The following PWWP3B variants were observed in gnomAD, a reference collection of about 807,000 sequenced individuals.
PWWP3B encodes PWWP domain-containing DNA repair factor 3B.
PWWP3B carries 5 observed loss-of-function variants against 15.7 expected under a neutral mutation model. The observed-to-expected ratio is 0.32, with a 90% confidence interval of 0.17 to 0.67. The LOEUF (loss-of-function observed/expected upper bound fraction) is 0.67, where lower values mean the gene tolerates loss of function less well. PWWP3B is among the 30% of genes least tolerant of loss of function. PWWP3B has a pLI of 0.74. For missense variants in PWWP3B, 519 were observed against 493.1 expected (o/e 1.05, Z -0.50); for synonymous variants, 203 against 179.8 (o/e 1.13, Z -1.03).
At chrX:106,177,350 A>C (rs1227701843) in intron 2 of PWWP3B, 3 of 112,536 alleles carry the variant, frequency 2.7e-5, no homozygotes, top group African/African-American at 9.7e-5. Flanking sequence ...AGCTGACAAG[A>C]AGCTTCAAGG....
At chrX:106,182,467 C>T (rs1372922366) in intron 2 of PWWP3B, among the ~76,000 whole-genome samples, 1 of 111,256 alleles carries the variant, frequency 9.0e-6, no homozygotes, top group Non-Finnish European at 1.9e-5. Flanking sequence ...GGTTGATGTT[C>T]CACATAAGAA....
intron 2 of PWWP3B, among the ~76,000 whole-genome samples, chrX:106,191,285 G>C (rs1365281838): frequency 8.2e-5 from 9 of 110,346 alleles, no homozygotes; most frequent in Non-Finnish European, 1.3e-4. Context: ...GGATTCCTAG[G>C]TATTTTATTC....
At chrX:106,186,804 A>G (rs1304140505) in intron 2 of PWWP3B, among the ~76,000 whole-genome samples, 1 of 111,280 alleles carries the variant, frequency 9.0e-6, no homozygotes, top group African/African-American at 3.3e-5. Context: ...ATTTGTCCCC[A>G]TCCACATCCT....
chrX:106,182,626 G>A (rs1922274524), intron 2 of PWWP3B, among the ~76,000 whole-genome samples: 1 of 110,268 alleles, frequency 9.1e-6, no homozygotes, highest in South Asian at 4.0e-4. Context: ...AAACTGAGTG[G>A]CTCCCTGTGT....
chrX:106,193,607 G>T (rs1298227910), intron 2 of PWWP3B, among the ~76,000 whole-genome samples: 1 of 111,635 alleles, frequency 9.0e-6, no homozygotes, highest in Non-Finnish European at 1.9e-5. Context: ...TATTTTGCTC[G>T]TTAGTTGATG....
chrX:106,199,540 C>T (rs1469013115), intron 2 of PWWP3B, among the ~76,000 whole-genome samples: 1 of 110,994 alleles, frequency 9.0e-6, no homozygotes, highest in African/African-American at 3.3e-5. Flanking sequence ...CATCCTTTTC[C>T]GAAGTCACTT....
chrX:106,170,391 T>A (rs1921552369), intron 1 of PWWP3B, among the ~76,000 whole-genome samples: 1 of 111,804 alleles, frequency 8.9e-6, no homozygotes, highest in Admixed American at 9.5e-5. Flanking sequence ...ATGAGAGATA[T>A]TATGATGAAA....
In PWWP3B at chrX:106,206,250, C is replaced by T. The variant is rs1359099435; in HGVS notation, c.818C>T (p.Ser273Phe). Reference protein sequence around the residue: ...LETLAVPSECSAFSENIEDPG... With the variant: ...LETLAVPSECFAFSENIEDPG... Reference sequence around the variant, plus strand: ...ACCCTGGCTGTTCCCTCTGAATGCTCTGCTTTCTCAGAGAATATTGAGGAT... The same window carrying T: ...ACCCTGGCTGTTCCCTCTGAATGCTTTGCTTTCTCAGAGAATATTGAGGAT... Residue 273 changes from serine (S) to phenylalanine (F), a missense_variant, in exon 4 of 4, where the codon TCT (serine) becomes TTT (phenylalanine). Transcript: ENST00000357175. 3.4e-5 allele frequency: 41 copies of T among 1,205,316 alleles called. No individual in the cohort carries two copies. The highest frequency in any genetic ancestry group is 4.3e-5 in the Non-Finnish European group (38 of 892,526).
At chrX:106,177,641 T>C (rs1921969915) in intron 2 of PWWP3B, among the ~76,000 whole-genome samples, 1 of 112,667 alleles carries the variant, frequency 8.9e-6, no homozygotes, top group Admixed American at 9.4e-5. Flanking sequence ...TACGTGGCAC[T>C]ACATATTTCT....
In PWWP3B at chrX:106,205,800, A is replaced by G; in HGVS notation, c.368A>G (p.Gln123Arg). Residue 123 changes from glutamine to arginine, a missense_variant, in exon 4 of 4, where the codon CAA becomes CGA. Coordinates refer to ENST00000357175, the MANE Select transcript of PWWP3B (RefSeq NM_001171020.2). ...ACTATGCTGTCTCAAAATGTACCAC[A>G]AAAACAGTCCGATTCACCCCCTCAT... ...EITMLSQNVP[Q>R]KQSDSPPHKK... 8.3e-7 allele frequency: 1 copy of G among 1,211,526 alleles called. No homozygotes were observed. The highest frequency in any genetic ancestry group is 1.1e-6 in the Non-Finnish European group (1 of 895,392).
intron 3 of PWWP3B, among the ~76,000 whole-genome samples, chrX:106,205,004 G>A (rs1440486627): frequency 9.0e-6 from 1 of 110,749 alleles, no homozygotes; most frequent in Admixed American, 9.7e-5. Context: ...TCAATAATGA[G>A]GGCAAGTTCT....
intron 2 of PWWP3B, among the ~76,000 whole-genome samples, chrX:106,174,481 A>T (rs754916671): frequency 9.0e-4 from 101 of 112,259 alleles, no homozygotes; most frequent in African/African-American, 3.1e-3. Context: ...TTTTGTGAAT[A>T]AAAAAGCTCA....
At chrX:106,192,187 G>A (rs1003805471) in intron 2 of PWWP3B, among the ~76,000 whole-genome samples, 1 of 111,092 alleles carries the variant, frequency 9.0e-6, no homozygotes, top group Admixed American at 9.5e-5. Context: ...TTTTTTGGTT[G>A]GTAAACTATT....
chrX:106,206,189 G>A lies in PWWP3B; in HGVS notation c.757G>A (p.Ala253Thr). 3 of 1,206,271 alleles carry A rather than the reference G, an allele frequency of 2.5e-6. No individual in the cohort carries two copies. Among genetic ancestry groups the A allele is most frequent in the African/African-American group, 1.7e-5 (1 of 57,628 alleles). Residue 253 changes from alanine to threonine, a missense_variant, in exon 4 of 4, where the codon GCT (alanine) becomes ACT (threonine). Coordinates refer to ENST00000357175, the MANE Select transcript of PWWP3B (RefSeq NM_001171020.2). ...ATCAGATATGCTCATTATGCCCAAAGCTTTGAAAGAAGAGAGCGAGGATAC... is the reference window on the plus strand; with the variant it reads ...ATCAGATATGCTCATTATGCCCAAAACTTTGAAAGAAGAGAGCGAGGATAC... The part of the protein sequence containing the change: ...LSSDMLIMPK[A>T]LKEESEDTCL...
chrX:106,175,628 C>T (rs905173464), intron 2 of PWWP3B, among the ~76,000 whole-genome samples: 1 of 110,876 alleles, frequency 9.0e-6, no homozygotes, highest in Non-Finnish European at 1.9e-5. Flanking sequence ...ATTCCAAGCC[C>T]AGGAGGGAGT....
At position 106,206,954 on chromosome X, in the gene PWWP3B, G is replaced by A. The variant is rs866974520; in HGVS notation, c.1522G>A (p.Asp508Asn). 3 of 1,211,382 alleles carry A rather than the reference G, an allele frequency of 2.5e-6. No homozygotes were observed. Among genetic ancestry groups the A allele is most frequent in the Non-Finnish European group, 3.4e-6 (3 of 895,370 alleles). The change falls in exon 4 of 4, where the codon GAT becomes AAT. Residue 508 changes from aspartate (D) to asparagine (N), a missense_variant. Coordinates refer to ENST00000357175, the MANE Select transcript of PWWP3B (RefSeq NM_001171020.2). ...CCCAGTTAGGAAAGAAACAAAACAGGATACTTTCAGGAACAAATTTCCAAA... is the reference window on the plus strand; with the variant it reads ...CCCAGTTAGGAAAGAAACAAAACAGAATACTTTCAGGAACAAATTTCCAAA... ...SYPVRKETKQ[D>N]TFRNKFPKLH...
intron 2 of PWWP3B, among the ~76,000 whole-genome samples, chrX:106,179,907 CATA>C (rs1257860647): frequency 1.8e-5 from 2 of 112,156 alleles, no homozygotes; most frequent in Non-Finnish European, 3.8e-5. Context: ...TGCAAACAGT[CATA>C]ATGATGTCTA....
intron 2 of PWWP3B, among the ~76,000 whole-genome samples, chrX:106,199,589 C>G (rs901327633): frequency 9.1e-6 from 1 of 110,329 alleles, no homozygotes; most frequent in Non-Finnish European, 1.9e-5. Context: ...CTATCATGAT[C>G]AAATTCTGGA....
At chrX:106,189,522 T>A (rs1393593984) in intron 2 of PWWP3B, among the ~76,000 whole-genome samples, 1 of 111,325 alleles carries the variant, frequency 9.0e-6, no homozygotes, top group Non-Finnish European at 1.9e-5. Flanking sequence ...GAATGATGGT[T>A]TCCAGTTTCA....
Sources: gnomAD v4.1 joint callset for allele counts (sites outside exome capture counted in the v4.1 genomes callset) on GRCh38, gnomAD v4.1.1 for gene constraint, MANE v1.5 for transcripts, NCBI Gene and HGNC (gene_info 2026-07-23, HGNC 2026-07-21) for gene names.